The following REDIC1 variants were observed in gnomAD, a reference collection of about 807,000 sequenced individuals.
REDIC1 encodes the protein HEI10 Interacting Protein 1.
chr12:39,901,255 CA>C, the REDIC1 span, among the ~76,000 whole-genome samples: 2 of 152,174 alleles, frequency 1.3e-5, no homozygotes, highest in African/African-American at 4.8e-5. Flanking sequence ...AAAACCTAGG[CA>C]ATACCATTCA....
the REDIC1 span, chr12:39,872,054 AT>A: frequency 2.2e-5 from 24 of 1,097,936 alleles, no homozygotes; most frequent in Non-Finnish European, 2.8e-5. Context: ...TTTGAAAAAA[AT>A]ATAAGGAGAA....
chr12:39,713,707 T>G, the REDIC1 span, among the ~76,000 whole-genome samples: 325 of 144,810 alleles, frequency 2.2e-3, 2 homozygotes, highest in East Asian at 0.027. Flanking sequence ...ATATACATAT[T>G]TATGTATGCC....
chr12:39,876,722 G>A, the REDIC1 span, among the ~76,000 whole-genome samples: 2 of 152,092 alleles, frequency 1.3e-5, no homozygotes, highest in Non-Finnish European at 2.9e-5. Flanking sequence ...AAAATAAAAT[G>A]TATCAGCTCA....
chr12:39,846,017 T>C, the REDIC1 span, among the ~76,000 whole-genome samples: 1 of 152,154 alleles, frequency 6.6e-6, no homozygotes, highest in Non-Finnish European at 1.5e-5. Context: ...TAAGTGCTCA[T>C]CTGTATTTGC....
At chr12:39,771,772 C>G in the REDIC1 span, among the ~76,000 whole-genome samples, 1 of 152,124 alleles carries the variant, frequency 6.6e-6, no homozygotes, top group Admixed American at 6.5e-5. Flanking sequence ...GCTCAAAAAC[C>G]TCCATCCTCC....
At chr12:39,808,667 TTTAATGA>T in the REDIC1 span, among the ~76,000 whole-genome samples, 1 of 152,198 alleles carries the variant, frequency 6.6e-6, no homozygotes, top group Non-Finnish European at 1.5e-5. Context: ...TTTGCATTTC[TTTAATGA>T]TTAATAATGT....
At chr12:39,740,743 C>T in the REDIC1 span, among the ~76,000 whole-genome samples, 1 of 152,028 alleles carries the variant, frequency 6.6e-6, no homozygotes, top group African/African-American at 2.4e-5. Context: ...AATATAATTT[C>T]CTTTGTATTT....
At chr12:39,721,440 G>T in the REDIC1 span, 1 of 536,804 alleles carries the variant, frequency 1.9e-6, no homozygotes, top group Admixed American at 3.7e-5. Context: ...TATTTAATTT[G>T]TATATAGCCA....
At chr12:39,703,910 C>T in the REDIC1 span, among the ~76,000 whole-genome samples, 1 of 152,040 alleles carries the variant, frequency 6.6e-6, no homozygotes, top group African/African-American at 2.4e-5. Flanking sequence ...CCTTACACCT[C>T]ATACAAAAAT....
chr12:39,903,672 A>AT, the REDIC1 span, among the ~76,000 whole-genome samples: 1 of 152,092 alleles, frequency 6.6e-6, no homozygotes, highest in Non-Finnish European at 1.5e-5. Flanking sequence ...TTCTGATAAC[A>AT]AGGATATATA....
the REDIC1 span, among the ~76,000 whole-genome samples, chr12:39,822,614 T>C: frequency 1.3e-5 from 2 of 152,192 alleles, no homozygotes; most frequent in African/African-American, 4.8e-5. Context: ...TTCACCACCA[T>C]TATCTTACAC....
chr12:39,887,351 CCTTAAGGGGGATAAGG>C, the REDIC1 span, among the ~76,000 whole-genome samples: 1 of 152,118 alleles, frequency 6.6e-6, no homozygotes, highest in Non-Finnish European at 1.5e-5. Flanking sequence ...GTACCCTGCC[CCTTAAGGGGGATAAGG>C]AGCACAGCCA....
chr12:39,653,573 T>TCTTCTTCTTCTTCTTC, the REDIC1 span, among the ~76,000 whole-genome samples: 2 of 63,514 alleles, frequency 3.1e-5, no homozygotes, highest in African/African-American at 1.1e-4. Context: ...TCTTCTTCTT[T>TCTTCTTCTTCTTCTTC]TTCTTCCTCT....
At chr12:39,710,485 T>C in the REDIC1 span, among the ~76,000 whole-genome samples, 6 of 151,914 alleles carry the variant, frequency 3.9e-5, no homozygotes, top group African/African-American at 1.2e-4. Context: ...TTTCATCATC[T>C]CACTTCTCTT....
chr12:39,848,343 C>G, the REDIC1 span, among the ~76,000 whole-genome samples: 1 of 151,924 alleles, frequency 6.6e-6, no homozygotes, highest in Non-Finnish European at 1.5e-5. Flanking sequence ...GAAAAACAAC[C>G]CCATTAAAAA....
chr12:39,701,213 A>C, the REDIC1 span, among the ~76,000 whole-genome samples: 1 of 152,188 alleles, frequency 6.6e-6, no homozygotes, highest in Non-Finnish European at 1.5e-5. Flanking sequence ...GGAGACACAC[A>C]TAGGCTCAAA....
At chr12:39,893,885 A>C in the REDIC1 span, among the ~76,000 whole-genome samples, 15 of 152,342 alleles carry the variant, frequency 9.8e-5, no homozygotes, top group Admixed American at 3.9e-4. Context: ...ATCCATATGA[A>C]ATTGAAAAAG....
chr12:39,897,904 T>A, the REDIC1 span, among the ~76,000 whole-genome samples: 7 of 152,158 alleles, frequency 4.6e-5, no homozygotes, highest in African/African-American at 1.7e-4. Context: ...GACATTTTTA[T>A]GTAGATCTAT....
At chr12:39,729,282 T>G in the REDIC1 span, among the ~76,000 whole-genome samples, 1 of 152,218 alleles carries the variant, frequency 6.6e-6, no homozygotes, top group Non-Finnish European at 1.5e-5. Context: ...TCCCGTCTTC[T>G]CCTGTGGGCA....
Sources: allele counts gnomAD v4.1 joint callset (sites outside exome capture counted in the v4.1 genomes callset), GRCh38; gene constraint gnomAD v4.1.1; transcripts MANE v1.5; gene names NCBI Gene and HGNC (gene_info 2026-07-23, HGNC 2026-07-21).